The following KCNAB1 variants were observed in gnomAD, a reference collection of about 807,000 sequenced individuals.
KCNAB1 encodes potassium voltage-gated channel subfamily A regulatory beta subunit 1.
In KCNAB1, 35 loss-of-function variants were observed where a neutral mutation model predicts 64.6. The observed-to-expected ratio is 0.54, with a 90% CI of 0.41 to 0.72. The LOEUF is 0.72. KCNAB1 is among the 30% of genes least tolerant of loss of function. The probability of loss-of-function intolerance (pLI) is 0.00; values close to 1 mark genes in which losing one functional copy is unlikely to be tolerated. For missense variants in KCNAB1, 401 were observed against 512.9 expected, an observed-to-expected ratio of 0.78 and a Z score of 2.11; for synonymous variants, 177 against 183.8, an observed-to-expected ratio of 0.96 and a Z score of 0.30.
At chr3:156,478,876 C>T (rs777494016) in intron 8 of KCNAB1, among the ~76,000 whole-genome samples, 6 of 151,984 alleles carry the variant, frequency 3.9e-5, no homozygotes, top group Non-Finnish European at 5.9e-5. Flanking sequence ...AGACAAAAAG[C>T]GAGTCCTCTC....
chr3:156,222,499 T>A (rs1373308118), intron 1 of KCNAB1, among the ~76,000 whole-genome samples: 2 of 152,216 alleles, frequency 1.3e-5, no homozygotes, highest in Non-Finnish European at 2.9e-5. Context: ...AACACTCCAC[T>A]GACAGCACTA....
chr3:156,355,775 C>G (rs1725190152), intron 1 of KCNAB1, among the ~76,000 whole-genome samples: 1 of 152,032 alleles, frequency 6.6e-6, no homozygotes, highest in Admixed American at 6.5e-5. Flanking sequence ...TTCCTCCCAT[C>G]CCATTATTTT....
chr3:156,530,410 C>A (rs1718622039), intron 12 of KCNAB1, among the ~76,000 whole-genome samples: 1 of 152,062 alleles, frequency 6.6e-6, no homozygotes, highest in Non-Finnish European at 1.5e-5. Context: ...ACAAGGTCAT[C>A]TACTAAGAGT....
At chr3:156,341,709 GA>G (rs978627250) in intron 1 of KCNAB1, among the ~76,000 whole-genome samples, 7 of 151,546 alleles carry the variant, frequency 4.6e-5, no homozygotes, top group Admixed American at 1.3e-4. Flanking sequence ...CACAATCATA[GA>G]AAAAAAATAT....
At chr3:156,428,135 C>T (rs187501418) in intron 2 of KCNAB1, among the ~76,000 whole-genome samples, 48 of 152,220 alleles carry the variant, frequency 3.2e-4, no homozygotes, top group Admixed American at 1.9e-3. Flanking sequence ...GGTGCACCTA[C>T]GAGGGTGTTT....
chr3:156,354,047 A>ATGTGTGTG (rs368761986), intron 1 of KCNAB1, among the ~76,000 whole-genome samples: 9 of 137,566 alleles, frequency 6.5e-5, no homozygotes, highest in African/African-American at 2.4e-4. Flanking sequence ...GTGTATATAT[A>ATGTGTGTG]TGTGTGTGTG....
chr3:156,267,378 C>G (rs1718780812), intron 1 of KCNAB1, among the ~76,000 whole-genome samples: 1 of 152,174 alleles, frequency 6.6e-6, no homozygotes, highest in South Asian at 2.1e-4. Context: ...CCACCCTATG[C>G]CTGTTTACAA....
intron 1 of KCNAB1, among the ~76,000 whole-genome samples, chr3:156,225,055 C>A (rs1043843705): frequency 6.6e-6 from 1 of 152,142 alleles, no homozygotes; most frequent in South Asian, 2.1e-4. Context: ...AGGAAATCCT[C>A]CCTAAATCAT....
intron 1 of KCNAB1, among the ~76,000 whole-genome samples, chr3:156,352,889 G>A (rs997355018): frequency 1.3e-5 from 2 of 152,212 alleles, no homozygotes; most frequent in African/African-American, 4.8e-5. Flanking sequence ...TGGGAAGTTC[G>A]CTACCTGTCA....
intron 1 of KCNAB1, among the ~76,000 whole-genome samples, chr3:156,359,751 A>G (rs548785662): frequency 1.2e-3 from 185 of 152,366 alleles, no homozygotes; most frequent in Non-Finnish European, 2.1e-3. Flanking sequence ...ATGCCATTAT[A>G]GATTATACTT....
chr3:156,212,789 G>A (rs1205066303), intron 1 of KCNAB1, among the ~76,000 whole-genome samples: 2 of 152,172 alleles, frequency 1.3e-5, no homozygotes, highest in East Asian at 3.8e-4. Context: ...GGAAGGCAAA[G>A]CTCTGAAAGT....
At chr3:156,229,223 C>T (rs990066718) in intron 1 of KCNAB1, among the ~76,000 whole-genome samples, 2 of 152,188 alleles carry the variant, frequency 1.3e-5, no homozygotes, top group Non-Finnish European at 2.9e-5. Flanking sequence ...GCTCGTGGTT[C>T]TGCAGGCTGT....
At chr3:156,483,049 A>G (rs1714944031) in intron 8 of KCNAB1, among the ~76,000 whole-genome samples, 1 of 152,154 alleles carries the variant, frequency 6.6e-6, no homozygotes, top group Non-Finnish European at 1.5e-5. Flanking sequence ...TAATTACACT[A>G]GAATTCACGC....
intron 1 of KCNAB1, among the ~76,000 whole-genome samples, chr3:156,386,449 A>G (rs902226604): frequency 6.6e-6 from 1 of 152,204 alleles, no homozygotes; most frequent in African/African-American, 2.4e-5. Context: ...CTTAATGCAC[A>G]TGACAGGGAA....
At chr3:156,310,191 C>T (rs570085124) in intron 1 of KCNAB1, among the ~76,000 whole-genome samples, 1 of 152,272 alleles carries the variant, frequency 6.6e-6, no homozygotes, top group African/African-American at 2.4e-5. Flanking sequence ...CTCTCCCTGC[C>T]CCCAAGCCAA....
chr3:156,336,359 AAAACAAAC>A (rs148137640), intron 1 of KCNAB1, among the ~76,000 whole-genome samples: 30,498 of 151,860 alleles, frequency 0.2, 3,136 homozygotes, highest in Middle Eastern at 0.35. Context: ...GAGACTCTGT[AAAACAAAC>A]AAACAAACAA....
intron 1 of KCNAB1, among the ~76,000 whole-genome samples, chr3:156,381,019 G>A (rs928378153): frequency 2.6e-5 from 4 of 152,162 alleles, no homozygotes; most frequent in Admixed American, 6.5e-5. Context: ...GTGAGGCGAT[G>A]CATTTGTTAA....
intron 1 of KCNAB1, among the ~76,000 whole-genome samples, chr3:156,272,206 G>C (rs1719076942): frequency 6.6e-6 from 1 of 152,202 alleles, no homozygotes; most frequent in African/African-American, 2.4e-5. Context: ...TCACTAACTG[G>C]CTATTGCCTA....
chr3:156,145,387 T>A (rs1192377378), intron 1 of KCNAB1, among the ~76,000 whole-genome samples: 3 of 152,200 alleles, frequency 2.0e-5, no homozygotes, highest in Non-Finnish European at 4.4e-5. Context: ...AGACACTCGC[T>A]TACTGCCCTT....
Sources: gnomAD v4.1 joint callset for allele counts (sites outside exome capture counted in the v4.1 genomes callset) on GRCh38, gnomAD v4.1.1 for gene constraint, MANE v1.5 for transcripts, NCBI Gene and HGNC (gene_info 2026-07-23, HGNC 2026-07-21) for gene names.